Variants in AFF2 observed in about 807,000 individuals in gnomAD.
AFF2 encodes the protein AF4/FMR2 family member 2.
In AFF2, 14 loss-of-function variants were observed where a neutral mutation model predicts 76.9. That is an observed-to-expected ratio of 0.18 (90% CI 0.12 to 0.28). The LOEUF is 0.28. Ranked by LOEUF, AFF2 falls within the 10% of genes least tolerant of loss-of-function variation. The pLI is 1.00. For synonymous variants in AFF2, 398 were observed against 366.7 expected, an observed-to-expected ratio of 1.09 and a Z score of -0.98; for missense variants, 868 against 1,001.1, an observed-to-expected ratio of 0.87 and a Z score of 1.79.
At chrX:148,692,840 T>A (rs1771185550) in intron 3 of AFF2, among the ~76,000 whole-genome samples, 3 of 111,608 alleles carry the variant, frequency 2.7e-5, no homozygotes, top group Middle Eastern at 4.6e-3. Flanking sequence ...GCATTTATGG[T>A]CAACACTTGT....
intron 9 of AFF2, among the ~76,000 whole-genome samples, chrX:148,928,283 T>C (rs891242152): frequency 2.7e-5 from 3 of 112,165 alleles, no homozygotes; most frequent in African/African-American, 9.7e-5. Flanking sequence ...AAGAGGAAAA[T>C]TGCAAACCAA....
intron 3 of AFF2, among the ~76,000 whole-genome samples, chrX:148,712,858 C>T (rs1271040688): frequency 4.5e-5 from 5 of 111,275 alleles, no homozygotes; most frequent in African/African-American, 6.5e-5. Flanking sequence ...ATCCTTGGAG[C>T]GGTGGCAGAT....
At chrX:148,872,995 A>T (rs1281752486) in intron 7 of AFF2, among the ~76,000 whole-genome samples, 4 of 111,698 alleles carry the variant, frequency 3.6e-5, no homozygotes, top group Non-Finnish European at 7.5e-5. Flanking sequence ...TTCTGTGGAA[A>T]AATGTCTATT....
chrX:148,989,694 A>G (rs1451475827), intron 20 of AFF2, among the ~76,000 whole-genome samples: 1 of 112,448 alleles, frequency 8.9e-6, no homozygotes, highest in African/African-American at 3.2e-5. Context: ...CTCACTGGAG[A>G]CAACCACGTA....
chrX:148,552,851 G>C (rs1313718880), intron 1 of AFF2, among the ~76,000 whole-genome samples: 1 of 111,914 alleles, frequency 8.9e-6, no homozygotes. Flanking sequence ...TATGGAAATC[G>C]GGGACATCCT....
chrX:148,637,027 C>A (rs1435838508), intron 1 of AFF2, among the ~76,000 whole-genome samples: 3 of 111,770 alleles, frequency 2.7e-5, no homozygotes, highest in Non-Finnish European at 5.6e-5. Flanking sequence ...CACATACCAG[C>A]ACACTGTTTG....
chrX:148,666,325 G>A (rs1170269958), intron 3 of AFF2, among the ~76,000 whole-genome samples: 5 of 111,471 alleles, frequency 4.5e-5, no homozygotes, highest in Admixed American at 2.9e-4. Context: ...AGTGGCTCAC[G>A]CCTGTAATCC....
chrX:148,766,965 T>C (rs937746552), intron 3 of AFF2, among the ~76,000 whole-genome samples: 1 of 111,342 alleles, frequency 9.0e-6, no homozygotes, highest in African/African-American at 3.3e-5. Flanking sequence ...GTATTTTTAT[T>C]TGTTTGGTTC....
chrX:148,904,706 G>C (rs2071389698), intron 9 of AFF2, among the ~76,000 whole-genome samples: 1 of 112,110 alleles, frequency 8.9e-6, no homozygotes, highest in Non-Finnish European at 1.9e-5. Flanking sequence ...TCAATACTCT[G>C]TTAATGAAAA....
Position 148,953,746 on chromosome X carries a change from G to A in AFF2, c.1557+7G>A, listed in dbSNP as rs1557286902. On this transcript the variant is annotated splice_region_variant and intron_variant, in intron 10 of 20. Transcript: ENST00000370460. ...TCGTGTGGCAACTCCAGAGGTGAGTGAAGGTGCCAGGGCCCTAACCATGAT... is the reference window on the plus strand; with the variant it reads ...TCGTGTGGCAACTCCAGAGGTGAGTAAAGGTGCCAGGGCCCTAACCATGAT... 1 of 1,200,790 alleles carries A rather than the reference G, an allele frequency of 8.3e-7. No individual in the cohort carries two copies. Among genetic ancestry groups the A allele is most frequent in the African/African-American group, 1.8e-5 (1 of 57,122 alleles).
intron 1 of AFF2, among the ~76,000 whole-genome samples, chrX:148,623,619 A>T (rs2053892723): frequency 9.2e-6 from 1 of 108,131 alleles, no homozygotes; most frequent in Admixed American, 1.0e-4. Flanking sequence ...ATATATATAT[A>T]TTTAACTTGG....
At chrX:148,789,130 CTTTAAA>C (rs1222082827) in intron 3 of AFF2, among the ~76,000 whole-genome samples, 1 of 112,248 alleles carries the variant, frequency 8.9e-6, no homozygotes, top group Admixed American at 9.4e-5. Context: ...TTTCAAATTG[CTTTAAA>C]TTGCATCCAA....
At chrX:148,769,431 A>G (rs1362867259) in intron 3 of AFF2, among the ~76,000 whole-genome samples, 9 of 111,831 alleles carry the variant, frequency 8.0e-5, no homozygotes, top group Admixed American at 4.7e-4. Context: ...TAACAGGGTA[A>G]CAGGCAGCAG....
intron 16 of AFF2, 112 bp downstream of exon 16, chrX:148,973,719 CT>C: frequency 1.3e-6 from 1 of 798,471 alleles, no homozygotes; most frequent in Non-Finnish European, 1.7e-6. Flanking sequence ...AAGCCATCCT[CT>C]TAGAAGTCAT....
intron 1 of AFF2, among the ~76,000 whole-genome samples, chrX:148,507,776 C>G (rs1332934818): frequency 8.9e-6 from 1 of 111,950 alleles, no homozygotes; most frequent in Non-Finnish European, 1.9e-5. Flanking sequence ...TGAAGTAAAT[C>G]TTTTAGATGA....
chrX:148,598,851 T>A (rs2053600639), intron 1 of AFF2, among the ~76,000 whole-genome samples: 1 of 112,593 alleles, frequency 8.9e-6, no homozygotes, highest in Non-Finnish European at 1.9e-5. Context: ...AAACTTCCCA[T>A]TTATCATGAA....
At position 148,999,066 on chromosome X, in the gene AFF2, T is replaced by C. The variant is rs2072643513; in HGVS notation, c.*7734T>C. 9.0e-6 allele frequency: 1 copy of C among 111,719 alleles called. No homozygotes were observed. The highest frequency in any genetic ancestry group is 9.5e-5 in the Admixed American group (1 of 10,507). The allele number at this position is 111,719 out of a possible 1,213,427, so 9.2% of individuals were successfully genotyped here. On this transcript the variant is annotated 3_prime_UTR_variant, in exon 21 of 21. Coordinates refer to ENST00000370460, the MANE Select transcript of AFF2 (RefSeq NM_002025.4). ...ACCCCACAGTGATAAATGAAAAGGATAGAGGTAGTTTTTTCAAAAGAGCAC... is the reference window on the plus strand; with the variant it reads ...ACCCCACAGTGATAAATGAAAAGGACAGAGGTAGTTTTTTCAAAAGAGCAC...
In AFF2 at chrX:148,783,964, C is replaced by A. The variant is rs188605397; in HGVS notation, c.1042-25912C>A. 5.5e-4 allele frequency among the ~76,000 whole-genome samples: 61 copies of A among 111,819 alleles called. No homozygotes were observed. The East Asian group carries it at 0.017, about 31-fold the overall frequency. ...TGGGTCTCTCCATGTGTTTGCAGCA[C>A]AATTGAGCTGCTGCCTCTCCTCCTT... On this transcript the variant is annotated intron_variant, in intron 3 of 20. Transcript: ENST00000370460.
At chrX:148,749,600 T>C (rs2055472043) in intron 3 of AFF2, among the ~76,000 whole-genome samples, 1 of 111,782 alleles carries the variant, frequency 8.9e-6, no homozygotes, top group Non-Finnish European at 1.9e-5. Context: ...CAGCAGCTTG[T>C]GGTGAGTCCT....
Sources: allele counts gnomAD v4.1 joint callset (sites outside exome capture counted in the v4.1 genomes callset), GRCh38; gene constraint gnomAD v4.1.1; transcripts MANE v1.5; gene names NCBI Gene and HGNC (gene_info 2026-07-23, HGNC 2026-07-21).